Variants in CDH12 observed in about 807,000 individuals in gnomAD.
CDH12 encodes the protein cadherin-12.
Under a neutral mutation model 74.1 loss-of-function variants are expected in CDH12, and 41 were observed. That is an observed-to-expected ratio of 0.55 (90% CI 0.43 to 0.72). The LOEUF is 0.72. Among genes scored for constraint, CDH12 ranks in the 30% least tolerant of loss-of-function variants. The pLI is 0.00. For synonymous variants in CDH12, 399 were observed against 355.0 expected, an observed-to-expected ratio of 1.12 and a Z score of -1.39; for missense variants, 945 against 977.2, an observed-to-expected ratio of 0.97 and a Z score of 0.44.
At chr5:22,638,949 G>T (rs1387663431) in intron 1 of CDH12, 1 of 150,828 alleles carries the variant, frequency 6.6e-6, no homozygotes, top group Non-Finnish European at 1.5e-5. Flanking sequence ...TACTCTGGAG[G>T]CTGAGGCAGG....
chr5:22,393,445 C>T lies in CDH12; in HGVS notation c.-333+11812G>A, dbSNP rs112244774. 2.2e-4 allele frequency among the ~76,000 whole-genome samples: 34 copies of T among 152,178 alleles called. 1 individual carries two copies. The highest frequency in any genetic ancestry group is 7.0e-4 in the African/African-American group (29 of 41,520). On this transcript the variant is annotated intron_variant, in intron 3 of 14. Coordinates refer to ENST00000382254, the MANE Select transcript of CDH12 (RefSeq NM_004061.5). ...GAGAATATATTTATCTTGTTTTAAC[C>T]ACCCATTTGTACAGGCTGTCACAGG...
intron 6 of CDH12, among the ~76,000 whole-genome samples, chr5:21,974,064 G>A (rs1756963969): frequency 6.6e-6 from 1 of 152,102 alleles, no homozygotes; most frequent in African/African-American, 2.4e-5. Context: ...GTGCATTATA[G>A]TAAATCCATG....
chr5:21,831,741 G>C lies in CDH12; in HGVS notation c.814+10420C>G, dbSNP rs144506329. Among the ~76,000 whole-genome samples the C allele has an allele frequency of 3.6e-3, 554 of 152,058 alleles. 4 individuals are homozygous for C. The highest frequency in any genetic ancestry group is 0.013 in the African/African-American group (534 of 41,484). ...GATTGTCAAAAGAGACAATTTTCTC[G>C]TATTTTTGCAGGAAGGCCAAAAGGT... On this transcript the variant is annotated intron_variant, in intron 8 of 14. Transcript: ENST00000382254.
At chr5:22,597,917 A>G (rs1261024569) in intron 1 of CDH12, among the ~76,000 whole-genome samples, 1 of 152,228 alleles carries the variant, frequency 6.6e-6, no homozygotes, top group East Asian at 1.9e-4. Context: ...AAATAAAAAT[A>G]TACTACAAAA....
rs574813324 is a variant in CDH12 at position 22,055,492 on chromosome 5, C to T, written c.231+22954G>A. Among the ~76,000 whole-genome samples the T allele has an allele frequency of 3.5e-4, 53 of 152,222 alleles. 1 individual carries two copies. The highest frequency in any genetic ancestry group is 3.4e-3 in the Middle Eastern group (1 of 294). ...AAAGTCTCACAATTCTTGCTCTTTT[C>T]CATTTCTCTAAATCTTATTTGTTCT... On this transcript the variant is annotated intron_variant, in intron 5 of 14. Transcript: ENST00000382254.
chr5:22,091,448 A>G (rs997260620), intron 4 of CDH12, among the ~76,000 whole-genome samples: 2 of 151,668 alleles, frequency 1.3e-5, no homozygotes, highest in African/African-American at 4.8e-5. Flanking sequence ...TTAAGAAAAT[A>G]CTTCCATTTA....
intron 1 of CDH12, among the ~76,000 whole-genome samples, chr5:22,802,833 G>T (rs901531129): frequency 1.3e-5 from 2 of 152,046 alleles, no homozygotes; most frequent in Non-Finnish European, 2.9e-5. Flanking sequence ...TAAGCAATCT[G>T]TTGAGAGCCG....
At chr5:21,817,892 A>G (rs1748152052) in intron 8 of CDH12, among the ~76,000 whole-genome samples, 1 of 151,998 alleles carries the variant, frequency 6.6e-6, no homozygotes, top group African/African-American at 2.4e-5. Flanking sequence ...TTTATACTGA[A>G]TCAGCAAAAC....
At position 21,751,551 on chromosome 5, in the gene CDH12, A is replaced by G. The variant is rs916611791; in HGVS notation, c.*186T>C. ...GTTGGCAGAATAAACCAAAACTGAC[A>G]ATATGATTAATTTAGTAACTTACTA... On this transcript the variant is annotated 3_prime_UTR_variant, in exon 15 of 15. Transcript: ENST00000382254. The G allele has an allele frequency of 1.7e-6, 1 of 586,646 alleles. No homozygotes were observed. The highest frequency in any genetic ancestry group is 3.0e-6 in the Non-Finnish European group (1 of 335,420). 36.3% of individuals were successfully genotyped at this position (586,646 alleles called of 1,614,324 possible). A position where few individuals can be genotyped will look rare whatever the true frequency, so the allele number is the denominator to read the frequency against.
chr5:22,650,448 G>A (rs542175741), intron 1 of CDH12, among the ~76,000 whole-genome samples: 3 of 152,148 alleles, frequency 2.0e-5, no homozygotes, highest in Admixed American at 1.3e-4. Context: ...TCCTTAGAGA[G>A]TAACCACAGT....
intron 10 of CDH12, among the ~76,000 whole-genome samples, chr5:21,801,289 T>G (rs924142660): frequency 6.6e-6 from 1 of 152,210 alleles, no homozygotes; most frequent in African/African-American, 2.4e-5. Flanking sequence ...TAAAGTGTTT[T>G]TGCTTTAAAA....
In CDH12 at chr5:22,403,005, T is replaced by C. The variant is rs114491866; in HGVS notation, c.-333+2252A>G. Among the ~76,000 whole-genome samples the C allele has an allele frequency of 8.8e-3, 1,333 of 152,290 alleles. 19 individuals carry two copies. The highest frequency in any genetic ancestry group is 0.03 in the African/African-American group (1,260 of 41,556). On this transcript the variant is annotated intron_variant, in intron 3 of 14. Coordinates refer to ENST00000382254, the MANE Select transcript of CDH12 (RefSeq NM_004061.5). Reference sequence around the variant, plus strand: ...TTCTGGGATGTCAAAGGAATAAATTTTGCTGATAAAATAACTCAGCTGAAA... The same window carrying C: ...TTCTGGGATGTCAAAGGAATAAATTCTGCTGATAAAATAACTCAGCTGAAA...
chr5:21,819,049 C>A (rs1475331657), intron 8 of CDH12, among the ~76,000 whole-genome samples: 1 of 152,044 alleles, frequency 6.6e-6, no homozygotes, highest in South Asian at 2.1e-4. Flanking sequence ...GAATTTGAGG[C>A]AATCAAATCA....
intron 3 of CDH12, among the ~76,000 whole-genome samples, chr5:22,214,060 A>C (rs1054681353): frequency 2.0e-5 from 3 of 151,948 alleles, no homozygotes; most frequent in African/African-American, 7.3e-5. Context: ...CTAAGTATAA[A>C]TAATAGAGAA....
intron 1 of CDH12, among the ~76,000 whole-genome samples, chr5:22,809,068 A>G (rs923955601): frequency 2.0e-5 from 3 of 151,918 alleles, no homozygotes; most frequent in African/African-American, 2.4e-5. Flanking sequence ...AAGATAAATT[A>G]TTCAAAGTTC....
At chr5:22,244,561 G>A (rs1185827035) in intron 3 of CDH12, among the ~76,000 whole-genome samples, 2 of 102,524 alleles carry the variant, frequency 2.0e-5, no homozygotes, top group African/African-American at 3.6e-5. Context: ...AGAAGAAAGA[G>A]AGAAAGAGAG....
At chr5:22,280,826 C>G (rs1405435720) in intron 3 of CDH12, among the ~76,000 whole-genome samples, 5 of 152,184 alleles carry the variant, frequency 3.3e-5, no homozygotes, top group African/African-American at 1.2e-4. Flanking sequence ...CCTTCTGAGA[C>G]TATTCCAATC....
At chr5:22,575,638 C>G (rs1359641767) in intron 1 of CDH12, among the ~76,000 whole-genome samples, 1 of 152,080 alleles carries the variant, frequency 6.6e-6, no homozygotes, top group African/African-American at 2.4e-5. Flanking sequence ...GATCTCGGAT[C>G]ACTACAACGT....
Position 22,503,127 on chromosome 5 carries a change from C to A in CDH12, c.-428+2143G>T, listed in dbSNP as rs540653195. Among the ~76,000 whole-genome samples, 3 of 152,172 alleles carry A rather than the reference C, an allele frequency of 2.0e-5. No individual in the cohort carries two copies. In the South Asian group the frequency reaches 6.2e-4, roughly 32 times the overall value. ...AATGATCAAAGAATGCTCATCTAAC[C>A]ATATGAAAGAAGAAAGATTTATTTC... On this transcript the variant is annotated intron_variant, in intron 2 of 14. Transcript: ENST00000382254.
Sources: gnomAD v4.1 joint callset for allele counts (sites outside exome capture counted in the v4.1 genomes callset) on GRCh38, gnomAD v4.1.1 for gene constraint, MANE v1.5 for transcripts, NCBI Gene and HGNC (gene_info 2026-07-23, HGNC 2026-07-21) for gene names.